The following ZNF121 variants were observed in gnomAD, a reference collection of about 807,000 sequenced individuals.
The protein encoded by ZNF121 is zinc finger protein 121 (clone ZHC32).
A neutral mutation model predicts 2.4 loss-of-function variants in ZNF121; 1 was observed. The observed-to-expected ratio is 0.41, with a 90% CI of 0.15 to 1.94. The LOEUF is 1.94. Ranked by LOEUF, ZNF121 falls within the 30% of genes most tolerant of loss-of-function variation. The probability of loss-of-function intolerance (pLI) is 0.30; values close to 1 mark genes in which losing one functional copy is unlikely to be tolerated. For missense variants in ZNF121, 369 were observed against 466.3 expected (o/e 0.79, Z 1.92); for synonymous variants, 173 against 158.6 (o/e 1.09, Z -0.68).
intron 1 of ZNF121, among the ~76,000 whole-genome samples, chr19:9,577,353 G>A (rs1195687122): frequency 2.6e-5 from 4 of 152,074 alleles, no homozygotes; most frequent in Middle Eastern, 3.2e-3. Flanking sequence ...AGGAGGCTGA[G>A]GCAGGAGAAT....
At chr19:9,568,254 G>T (rs140216063) in intron 2 of ZNF121, 79 bp from the exon 3 acceptor site, 23 of 624,490 alleles carry the variant, frequency 3.7e-5, no homozygotes, top group African/African-American at 3.5e-4. Flanking sequence ...GAATTATAAA[G>T]CTCATTTTTA....
intron 1 of ZNF121, among the ~76,000 whole-genome samples, chr19:9,579,914 C>T (rs759917940): frequency 1.9e-4 from 29 of 152,110 alleles, no homozygotes; most frequent in South Asian, 4.1e-4. Context: ...AAAACATGTA[C>T]GTCTATTATG....
intron 1 of ZNF121, among the ~76,000 whole-genome samples, chr19:9,577,375 G>A (rs371173905): frequency 6.6e-6 from 1 of 151,958 alleles, no homozygotes; most frequent in Non-Finnish European, 1.5e-5. Flanking sequence ...ACTTGAACCC[G>A]GGAGGCGGAG....
In ZNF121 at chr19:9,565,580, C is replaced by A. The variant is rs2074125156; in HGVS notation, c.*360G>T. 2 of 151,868 alleles carry A rather than the reference C, an allele frequency of 1.3e-5. No homozygotes were observed. The highest frequency in any genetic ancestry group is 4.1e-4 in the South Asian group (2 of 4,870). The allele number at this position is 151,868 out of a possible 1,614,324, so 9.4% of individuals were successfully genotyped here. ...AGCTACTTGAAGGCTGAGGCAGAAT[C>A]GCCTGAACCCAGGAGACAAAGGTTG... On this transcript the variant is annotated 3_prime_UTR_variant, in exon 4 of 4. Transcript: ENST00000320451.
At chr19:9,576,183 A>C (rs1052996750) in intron 1 of ZNF121, among the ~76,000 whole-genome samples, 2 of 152,202 alleles carry the variant, frequency 1.3e-5, no homozygotes, top group Non-Finnish European at 2.9e-5. Flanking sequence ...AAAACTAGAA[A>C]TCACTAACAA....
At chr19:9,577,044 T>C (rs2074215112) in intron 1 of ZNF121, among the ~76,000 whole-genome samples, 1 of 151,992 alleles carries the variant, frequency 6.6e-6, no homozygotes, top group African/African-American at 2.4e-5. Flanking sequence ...ACAATACAAC[T>C]CGAATTCCTC....
At chr19:9,569,404 A>T (rs868182536) in intron 1 of ZNF121, among the ~76,000 whole-genome samples, 19 of 152,082 alleles carry the variant, frequency 1.2e-4, no homozygotes, top group African/African-American at 4.6e-4. Context: ...TCATGATTGC[A>T]CCACTGTACT....
intron 1 of ZNF121, among the ~76,000 whole-genome samples, chr19:9,573,904 T>C (rs375813354): frequency 6.6e-6 from 1 of 152,214 alleles, no homozygotes; most frequent in East Asian, 1.9e-4. Flanking sequence ...TGGAGTACCG[T>C]GGCACAATCA....
intron 1 of ZNF121, among the ~76,000 whole-genome samples, chr19:9,579,855 T>C (rs2074236688): frequency 6.6e-6 from 1 of 152,252 alleles, no homozygotes; most frequent in Non-Finnish European, 1.5e-5. Context: ...GATATTCTAC[T>C]TACCCTGATT....
intron 1 of ZNF121, among the ~76,000 whole-genome samples, chr19:9,583,057 CA>C (rs1326380773): frequency 1.4e-4 from 17 of 122,102 alleles, no homozygotes; most frequent in Admixed American, 1.7e-4. Context: ...ACTAAAAATA[CA>C]AAAAAAAAAA....
chr19:9,571,399 C>T (rs2074173221), intron 1 of ZNF121, among the ~76,000 whole-genome samples: 1 of 152,210 alleles, frequency 6.6e-6, no homozygotes, highest in Non-Finnish European at 1.5e-5. Flanking sequence ...AATTACCACA[C>T]TGAAATCATT....
intron 1 of ZNF121, among the ~76,000 whole-genome samples, chr19:9,571,211 AC>A (rs1193349761): frequency 6.6e-6 from 1 of 152,190 alleles, no homozygotes; most frequent in African/African-American, 2.4e-5. Context: ...AAACAAATGA[AC>A]ACGGTTGTGT....
chr19:9,562,097 C>T lies in ZNF121; in HGVS notation c.*3843G>A, dbSNP rs1245931420. 4 of 151,786 alleles carry T rather than the reference C, an allele frequency of 2.6e-5. No individual in the cohort carries two copies. The highest frequency in any genetic ancestry group is 2.6e-4 in the Admixed American group (4 of 15,206). The allele number at this position is 151,786 out of a possible 1,614,324, so 9.4% of individuals were successfully genotyped here. A position where few individuals can be genotyped will look rare whatever the true frequency, so the allele number is the denominator to read the frequency against. On this transcript the variant is annotated 3_prime_UTR_variant, in exon 4 of 4. Transcript: ENST00000320451. ...CATGTGCTTACTTTGTCTCTCACAT[C>T]CTGACAATTCTGACAATATTTCAAA...
At position 9,565,988 on chromosome 19, in the gene ZNF121, T is replaced by C; in HGVS notation, c.1125A>G (p.Lys375=). 6.3e-7 allele frequency: 1 copy of C among 1,599,408 alleles called. No homozygotes were observed. Residue 375 remains lysine (K), a synonymous_variant, in exon 4 of 4, where the codon AAA becomes AAG. Coordinates refer to ENST00000320451, the MANE Select transcript of ZNF121 (RefSeq NM_001008727.5). ...TAAGTAAATAAAATCTATTGTAGGC[T>C]TTCCCACATTCGTTACATATATAGG... ...EKPYICNECG[K]AYNRFYLLTK...
intron 1 of ZNF121, among the ~76,000 whole-genome samples, chr19:9,583,921 T>C (rs1457006686): frequency 6.6e-6 from 1 of 152,244 alleles, no homozygotes; most frequent in Non-Finnish European, 1.5e-5. Context: ...TACATGCAGA[T>C]ATAGGCACAC....
rs57109713 is a variant in ZNF121, at chr19:9,565,669, CAAATAAAATAAAATAAAATAAAATA to C, written c.*246_*270del. The C allele has an allele frequency of 1.5e-3, 218 of 148,840 alleles. 4 individuals carry two copies. The highest frequency in any genetic ancestry group is 5.7e-3 in the South Asian group (28 of 4,914). The allele number at this position is 148,840 out of a possible 1,614,324, so 9.2% of individuals were successfully genotyped here. On this transcript the variant is annotated 3_prime_UTR_variant, in exon 4 of 4. Coordinates refer to ENST00000320451, the MANE Select transcript of ZNF121 (RefSeq NM_001008727.5). ...TGATGACAACAGCAAAACTCTGTCTCAAATAAAATAAAATAAAATAAAATAAAATAAAATAAAATAAAATAAAATA... is the reference window on the plus strand; with the variant it reads ...TGATGACAACAGCAAAACTCTGTCTCAAATAAAATAAAATAAAATAAAATA...
chr19:9,575,617 C>T (rs1390388520), intron 1 of ZNF121, among the ~76,000 whole-genome samples: 1 of 151,752 alleles, frequency 6.6e-6, no homozygotes, highest in Non-Finnish European at 1.5e-5. Context: ...GTGGTGTGTG[C>T]CTGTAATACC....
At chr19:9,576,066 G>A (rs1272188398) in intron 1 of ZNF121, among the ~76,000 whole-genome samples, 1 of 152,010 alleles carries the variant, frequency 6.6e-6, no homozygotes, top group Non-Finnish European at 1.5e-5. Flanking sequence ...CCTTTCCTCA[G>A]CATATGGAAT....
At chr19:9,583,785 G>A (rs942444672) in intron 1 of ZNF121, among the ~76,000 whole-genome samples, 2 of 152,114 alleles carry the variant, frequency 1.3e-5, no homozygotes, top group African/African-American at 4.8e-5. Context: ...GACTACAGGC[G>A]TGAGCCAGCG....
Sources: gnomAD v4.1 joint callset for allele counts (sites outside exome capture counted in the v4.1 genomes callset) on GRCh38, gnomAD v4.1.1 for gene constraint, MANE v1.5 for transcripts, NCBI Gene and HGNC (gene_info 2026-07-23, HGNC 2026-07-21) for gene names.